The following SDHAF1 variants were observed in gnomAD, a reference collection of about 807,000 sequenced individuals.
SDHAF1 encodes succinate dehydrogenase complex assembly factor 1, also known as succinate dehydrogenase assembly factor 1, mitochondrial.
For missense variants in SDHAF1, 198 were observed against 179.0 expected (o/e 1.11, Z -0.61); for synonymous variants, 81 against 85.8 (o/e 0.94, Z 0.31).
At position 35,995,394 on chromosome 19, in the gene SDHAF1, G is replaced by A. The variant is rs1215760688; in HGVS notation, c.120G>A (p.Ala40=). 2 of 1,561,426 alleles carry A rather than the reference G, an allele frequency of 1.3e-6. No homozygotes were observed. Among genetic ancestry groups the A allele is most frequent in the African/African-American group, 1.4e-5 (1 of 73,440 alleles). Residue 40 remains alanine, a synonymous_variant, in exon 1 of 1, where the codon GCG becomes GCA. Coordinates refer to ENST00000378887, the MANE Select transcript of SDHAF1 (RefSeq NM_001042631.3). The stretch of plus-strand genomic sequence containing the variant: ...TGCGGGCAGAGTTCCGGCAGCATGC[G>A]GGCCTGCCGCGGTCCGACGTGCTGC... ...ARVRAEFRQH[A]GLPRSDVLRI...
chr19:35,995,319 C>G lies in SDHAF1; in HGVS notation c.45C>G (p.Tyr15Ter). Residue 15 changes from tyrosine to a stop codon, truncating the protein, a stop_gained, in exon 1 of 1, where the codon TAC becomes TAG. Coordinates refer to ENST00000378887, the MANE Select transcript of SDHAF1 (RefSeq NM_001042631.3). LOFTEE classifies it low-confidence loss of function (END_TRUNC). ...TGCAGAGGCAGGTTCTGAGCCTGTA[C>G]CGCGATCTGCTGCGCGCCGGGCGTG... ...SRLQRQVLSL[Y>*]RDLLRAGRGK... The G allele has an allele frequency of 6.5e-7, 1 of 1,548,106 alleles. No homozygotes were observed. Among genetic ancestry groups the G allele is most frequent in the Non-Finnish European group, 8.7e-7 (1 of 1,153,678 alleles).
In SDHAF1 at chr19:35,995,374, G is replaced by C. The variant is rs1326561863; in HGVS notation, c.100G>C (p.Ala34Pro). Residue 34 changes from alanine to proline, a missense_variant, in exon 1 of 1, where the codon GCA becomes CCA. Transcript: ENST00000378887. ...GCCGGGCGCCGAGGCGCGAGTGCGG[G>C]CAGAGTTCCGGCAGCATGCGGGCCT... Reference protein sequence around the residue: ...GKPGAEARVRAEFRQHAGLPR... With the variant: ...GKPGAEARVRPEFRQHAGLPR... 6.4e-7 allele frequency: 1 copy of C among 1,557,330 alleles called. No individual in the cohort carries two copies. Among genetic ancestry groups the C allele is most frequent in the East Asian group, 2.3e-5 (1 of 42,600 alleles).
At position 35,995,388 on chromosome 19, in the gene SDHAF1, G is replaced by A; in HGVS notation, c.114G>A (p.Gln38=). The A allele has an allele frequency of 6.4e-7, 1 of 1,560,626 alleles. No homozygotes were observed. The highest frequency in any genetic ancestry group is 8.6e-7 in the Non-Finnish European group (1 of 1,160,972). ...CGCGAGTGCGGGCAGAGTTCCGGCA[G>A]CATGCGGGCCTGCCGCGGTCCGACG... ...AEARVRAEFR[Q]HAGLPRSDVL... Residue 38 remains glutamine, a synonymous_variant, in exon 1 of 1, where the codon CAG becomes CAA. Coordinates refer to ENST00000378887, the MANE Select transcript of SDHAF1 (RefSeq NM_001042631.3).
At position 35,995,362 on chromosome 19, in the gene SDHAF1, G is replaced by A. The variant is rs2145332081; in HGVS notation, c.88G>A (p.Ala30Thr). Residue 30 changes from alanine (A) to threonine (T), a missense_variant, in exon 1 of 1, where the codon GCG (alanine) becomes ACG (threonine). Ala to Thr is a moderately conservative substitution (Grantham distance 58). Coordinates refer to ENST00000378887, the MANE Select transcript of SDHAF1 (RefSeq NM_001042631.3). Reference protein sequence around the residue: ...RAGRGKPGAEARVRAEFRQHA... With the variant: ...RAGRGKPGAETRVRAEFRQHA... ...CGGGCGTGGGAAGCCGGGCGCCGAG[G>A]CGCGAGTGCGGGCAGAGTTCCGGCA... 1 of 1,552,466 alleles carries A rather than the reference G, an allele frequency of 6.4e-7. No homozygotes were observed.
In SDHAF1 at chr19:35,995,897, G is replaced by A; in HGVS notation, c.*275G>A. 1 of 512,964 alleles carries A rather than the reference G, an allele frequency of 1.9e-6. No homozygotes were observed. The highest frequency in any genetic ancestry group is 2.6e-5 in the South Asian group (1 of 39,200). 31.8% of individuals were successfully genotyped at this position (512,964 alleles called of 1,614,324 possible). ...GCCTGGGACGCTGGCGGGCTGGACA[G>A]TGTCAAGCCAAGAGCTACTTGCCCG... is the stretch of plus-strand genomic sequence containing the variant. On this transcript the variant is annotated 3_prime_UTR_variant, in exon 1 of 1. Coordinates refer to ENST00000378887, the MANE Select transcript of SDHAF1 (RefSeq NM_001042631.3).
At position 35,995,727 on chromosome 19, in the gene SDHAF1, C is replaced by G. The variant is rs1976660339; in HGVS notation, c.*105C>G. On this transcript the variant is annotated 3_prime_UTR_variant, in exon 1 of 1. Coordinates refer to ENST00000378887, the MANE Select transcript of SDHAF1 (RefSeq NM_001042631.3). ...GCCTAAGGTGAGAGGTCTTAAGAGA[C>G]TAGCTTGACGAATTGGGGATGTCAG... The G allele has an allele frequency of 6.9e-6, 6 of 865,712 alleles. No individual in the cohort carries two copies. In the South Asian group the frequency reaches 7.6e-5, roughly 11 times the overall value. 53.6% of individuals were successfully genotyped at this position (865,712 alleles called of 1,614,324 possible). A position where few individuals can be genotyped will look rare whatever the true frequency, so the allele number is the denominator to read the frequency against.
chr19:35,995,360 A>C lies in SDHAF1; in HGVS notation c.86A>C (p.Glu29Ala). The change falls in exon 1 of 1, where the codon GAG (glutamate) becomes GCG (alanine). Residue 29 changes from glutamate (E) to alanine (A), a missense_variant. Transcript: ENST00000378887. ...LRAGRGKPGA[E>A]ARVRAEFRQH... is the part of the protein sequence containing the mutation. ...GCCGGGCGTGGGAAGCCGGGCGCCGAGGCGCGAGTGCGGGCAGAGTTCCGG... is the reference window on the plus strand; with the variant it reads ...GCCGGGCGTGGGAAGCCGGGCGCCGCGGCGCGAGTGCGGGCAGAGTTCCGG... The C allele has an allele frequency of 6.4e-7, 1 of 1,551,972 alleles. No homozygotes were observed. The highest frequency in any genetic ancestry group is 8.6e-7 in the Non-Finnish European group (1 of 1,156,250).
In SDHAF1 at chr19:35,995,678, C is replaced by A; in HGVS notation, c.*56C>A. 7.3e-7 allele frequency: 1 copy of A among 1,367,860 alleles called. No individual in the cohort carries two copies. The highest frequency in any genetic ancestry group is 1.0e-6 in the Non-Finnish European group (1 of 981,656). The allele number at this position is 1,367,860 out of a possible 1,614,324, so 84.7% of individuals were successfully genotyped here. ...TGGTGGAGCCAGGAGGCTCGCCTGA[C>A]TGCATGGGGGGACTGGGGAACCCGC... On this transcript the variant is annotated 3_prime_UTR_variant, in exon 1 of 1. Transcript: ENST00000378887.
chr19:35,995,535 C>A lies in SDHAF1; in HGVS notation c.261C>A (p.Gly87=). 6.5e-7 allele frequency: 1 copy of A among 1,533,274 alleles called. No individual in the cohort carries two copies. Among genetic ancestry groups the A allele is most frequent in the Non-Finnish European group, 8.7e-7 (1 of 1,144,744 alleles). 95.0% of individuals were successfully genotyped at this position (1,533,274 alleles called of 1,614,324 possible). The change falls in exon 1 of 1, where the codon GGC becomes GGA. Residue 87 remains glycine, a synonymous_variant. Transcript: ENST00000378887. ...RPRAPTGEPG[G]VGCQPDDGDS... is the part of the protein sequence containing the mutation. ...GGGCCCCGACCGGGGAGCCTGGCGG[C>A]GTGGGTTGCCAGCCTGACGACGGCG... is the stretch of plus-strand genomic sequence containing the variant.
Position 35,995,531 on chromosome 19 carries a change from G to C in SDHAF1, c.257G>C (p.Gly86Ala). ...CCGCGGGCCCCGACCGGGGAGCCTG[G>C]CGGCGTGGGTTGCCAGCCTGACGAC... Reference protein sequence around the residue: ...VRPRAPTGEPGGVGCQPDDGD... With the variant: ...VRPRAPTGEPAGVGCQPDDGD... Residue 86 changes from glycine to alanine, a missense_variant, in exon 1 of 1, where the codon GGC becomes GCC. Coordinates refer to ENST00000378887, the MANE Select transcript of SDHAF1 (RefSeq NM_001042631.3). The C allele has an allele frequency of 6.5e-7, 1 of 1,533,778 alleles. No individual in the cohort carries two copies. The highest frequency in any genetic ancestry group is 2.5e-5 in the East Asian group (1 of 40,648).
Position 35,995,347 on chromosome 19 carries a change from A to C in SDHAF1, c.73A>C (p.Lys25Gln), listed in dbSNP as rs763030424. ...YRDLLRAGRG[K>Q]PGAEARVRAE... is the part of the protein sequence containing the mutation. ...CGATCTGCTGCGCGCCGGGCGTGGG[A>C]AGCCGGGCGCCGAGGCGCGAGTGCG... is the stretch of plus-strand genomic sequence containing the variant. The change falls in exon 1 of 1, where the codon AAG (lysine) becomes CAG (glutamine). Residue 25 changes from lysine (K) to glutamine (Q), a missense_variant. Lys to Gln is a moderately conservative substitution (Grantham distance 53). Coordinates refer to ENST00000378887, the MANE Select transcript of SDHAF1 (RefSeq NM_001042631.3). 11 of 1,550,314 alleles carry C rather than the reference A, an allele frequency of 7.1e-6. No homozygotes were observed. The highest frequency in any genetic ancestry group is 1.9e-4 in the Middle Eastern group (1 of 5,162).
In SDHAF1 at chr19:35,996,180, G is replaced by T. The variant is rs1976666365; in HGVS notation, c.*558G>T. 1 of 167,806 alleles carries T rather than the reference G, an allele frequency of 6.0e-6. No homozygotes were observed. The highest frequency in any genetic ancestry group is 6.5e-5 in the Admixed American group (1 of 15,338). 10.4% of individuals were successfully genotyped at this position (167,806 alleles called of 1,614,324 possible). A position where few individuals can be genotyped will look rare whatever the true frequency, so the allele number is the denominator to read the frequency against. On this transcript the variant is annotated 3_prime_UTR_variant, in exon 1 of 1. Coordinates refer to ENST00000378887, the MANE Select transcript of SDHAF1 (RefSeq NM_001042631.3). The stretch of plus-strand genomic sequence containing the variant: ...CCAGGACCATGAGGAAGGGGTAGGG[G>T]TCTATCACCCTGGTTGATCAACTGA...
chr19:35,995,389 C>G lies in SDHAF1; in HGVS notation c.115C>G (p.His39Asp), dbSNP rs553743638. The change falls in exon 1 of 1, where the codon CAT (histidine) becomes GAT (aspartate). Residue 39 changes from histidine (H) to aspartate (D), a missense_variant. Physicochemically the swap from His to Asp is moderately conservative, Grantham distance 81. Transcript: ENST00000378887. ...GCGAGTGCGGGCAGAGTTCCGGCAG[C>G]ATGCGGGCCTGCCGCGGTCCGACGT... Reference protein sequence around the residue: ...EARVRAEFRQHAGLPRSDVLR... With the variant: ...EARVRAEFRQDAGLPRSDVLR... 3.2e-6 allele frequency: 5 copies of G among 1,560,584 alleles called. No homozygotes were observed. In the East Asian group the frequency reaches 1.2e-4, roughly 37 times the overall value.
At position 35,995,226 on chromosome 19, in the gene SDHAF1, C is replaced by T. The variant is rs961148779; in HGVS notation, c.-49C>T. Reference sequence around the variant, plus strand: ...TTGGCCTTTGCTGGCTGTGTGGCGGCTCCGCGGTTCGCAGGTCGTTCGCTG... The same window carrying T: ...TTGGCCTTTGCTGGCTGTGTGGCGGTTCCGCGGTTCGCAGGTCGTTCGCTG... On this transcript the variant is annotated 5_prime_UTR_variant, in exon 1 of 1. Transcript: ENST00000378887. 7.4e-6 allele frequency: 10 copies of T among 1,360,230 alleles called. No homozygotes were observed. The African/African-American group carries it at 1.5e-4, about 20-fold the overall frequency. The allele number at this position is 1,360,230 out of a possible 1,614,324, so 84.3% of individuals were successfully genotyped here.
Position 35,995,378 on chromosome 19 carries a change from A to T in SDHAF1, c.104A>T (p.Glu35Val). ...KPGAEARVRA[E>V]FRQHAGLPRS... is the part of the protein sequence containing the mutation. ...GGCGCCGAGGCGCGAGTGCGGGCAGAGTTCCGGCAGCATGCGGGCCTGCCG... is the reference window on the plus strand; with the variant it reads ...GGCGCCGAGGCGCGAGTGCGGGCAGTGTTCCGGCAGCATGCGGGCCTGCCG... Residue 35 changes from glutamate to valine, a missense_variant, in exon 1 of 1, where the codon GAG becomes GTG. Transcript: ENST00000378887. 6.4e-7 allele frequency: 1 copy of T among 1,558,214 alleles called. No individual in the cohort carries two copies.
rs1347539333 is a variant in SDHAF1, at chr19:35,995,254, C to T, written c.-21C>T. ...CGCGGTTCGCAGGTCGTTCGCTGAGCGTCTCTGCTTAGCCGCGGTCATGAG... is the reference window on the plus strand; with the variant it reads ...CGCGGTTCGCAGGTCGTTCGCTGAGTGTCTCTGCTTAGCCGCGGTCATGAG... On this transcript the variant is annotated 5_prime_UTR_variant, in exon 1 of 1. Coordinates refer to ENST00000378887, the MANE Select transcript of SDHAF1 (RefSeq NM_001042631.3). The T allele has an allele frequency of 6.6e-7, 1 of 1,508,694 alleles. No homozygotes were observed. The highest frequency in any genetic ancestry group is 2.0e-5 in the Admixed American group (1 of 50,620). The allele number at this position is 1,508,694 out of a possible 1,614,324, so 93.5% of individuals were successfully genotyped here.
Position 35,995,843 on chromosome 19 carries a change from G to C in SDHAF1, c.*221G>C. 2 of 574,826 alleles carry C rather than the reference G, an allele frequency of 3.5e-6. No individual in the cohort carries two copies. The highest frequency in any genetic ancestry group is 2.2e-5 in the South Asian group (1 of 45,782). 35.6% of individuals were successfully genotyped at this position (574,826 alleles called of 1,614,324 possible). A position where few individuals can be genotyped will look rare whatever the true frequency, so the allele number is the denominator to read the frequency against. ...TTTTCCGATGCTTGGAGACAGGTCGGTGCTCCTCCCCCATGAGGGCTTGGG... is the reference window on the plus strand; with the variant it reads ...TTTTCCGATGCTTGGAGACAGGTCGCTGCTCCTCCCCCATGAGGGCTTGGG... On this transcript the variant is annotated 3_prime_UTR_variant, in exon 1 of 1. Coordinates refer to ENST00000378887, the MANE Select transcript of SDHAF1 (RefSeq NM_001042631.3).
chr19:35,995,448 G>GTACAGCTCCA lies in SDHAF1; in HGVS notation c.174_175insTACAGCTCCA (p.Arg59TyrfsTer38). ...TCGAGTACCTGTACCGCCGCGGGCG[G>GTACAGCTCCA]CGCCAGCTGCAGCTGCTACGCTCGG... On this transcript the variant is annotated frameshift_variant, in exon 1 of 1. Transcript: ENST00000378887. LOFTEE classifies it low-confidence loss of function (END_TRUNC). The GTACAGCTCCA allele has an allele frequency of 6.4e-7, 1 of 1,566,062 alleles. No homozygotes were observed. Among genetic ancestry groups the GTACAGCTCCA allele is most frequent in the Non-Finnish European group, 8.6e-7 (1 of 1,163,950 alleles).
rs982403749 is a variant in SDHAF1, at chr19:35,995,981, C to G, written c.*359C>G. On this transcript the variant is annotated 3_prime_UTR_variant, in exon 1 of 1. Coordinates refer to ENST00000378887, the MANE Select transcript of SDHAF1 (RefSeq NM_001042631.3). ...CAGGGAGAGCCTGAGACGCCCTTCT[C>G]TTGACCCCTGAGAACATACCCACTT... is the stretch of plus-strand genomic sequence containing the variant. 9 of 336,134 alleles carry G rather than the reference C, an allele frequency of 2.7e-5. No individual in the cohort carries two copies. The highest frequency in any genetic ancestry group is 1.9e-4 in the South Asian group (5 of 26,566). The allele number at this position is 336,134 out of a possible 1,614,324, so 20.8% of individuals were successfully genotyped here.
Sources: allele counts gnomAD v4.1 joint callset, GRCh38; gene constraint gnomAD v4.1.1; transcripts MANE v1.5; gene names NCBI Gene and HGNC (gene_info 2026-07-23, HGNC 2026-07-21).